Variants in STYXL1 observed in about 807,000 individuals in gnomAD.
STYXL1 encodes serine/threonine/tyrosine-interacting-like protein 1.
STYXL1 carries 32 observed loss-of-function variants against 36.4 expected under a neutral mutation model. The ratio of observed to expected loss-of-function variants is 0.88; its 90% CI spans 0.66 to 1.18. STYXL1 has a LOEUF of 1.18. Among genes scored for constraint, STYXL1 ranks in the 50% most tolerant of loss-of-function variants. The probability of loss-of-function intolerance (pLI) is 0.00; values close to 1 mark genes in which losing one functional copy is unlikely to be tolerated. For missense variants in STYXL1, 354 were observed against 394.1 expected (o/e 0.90, Z 0.86); for synonymous variants, 133 against 144.1 (o/e 0.92, Z 0.55).
chr7:76,042,567 C>G (rs186940090), intron 1 of STYXL1, among the ~76,000 whole-genome samples: 37 of 151,616 alleles, frequency 2.4e-4, no homozygotes, highest in Middle Eastern at 3.4e-3. Flanking sequence ...CCACCTCTCC[C>G]GGCTAATTTT....
At chr7:76,002,570 C>T (rs1791087442) in intron 7 of STYXL1, among the ~76,000 whole-genome samples, 1 of 152,152 alleles carries the variant, frequency 6.6e-6, no homozygotes, top group African/African-American at 2.4e-5. Context: ...AGGTGGGACA[C>T]ATGGGAAGTC....
chr7:76,030,006 T>C (rs1358419123), intron 2 of STYXL1, among the ~76,000 whole-genome samples: 7 of 151,934 alleles, frequency 4.6e-5, no homozygotes, highest in African/African-American at 1.7e-4. Flanking sequence ...TTTATTTTTT[T>C]TTTTCTTTTT....
intron 3 of STYXL1, among the ~76,000 whole-genome samples, chr7:76,026,396 C>T (rs1794733008): frequency 6.6e-6 from 1 of 151,728 alleles, no homozygotes; most frequent in Admixed American, 6.6e-5. Context: ...CCTCCCATCT[C>T]GGCCTCCCAA....
chr7:75,998,071 T>C (rs555801937), intron 8 of STYXL1, among the ~76,000 whole-genome samples: 60 of 152,284 alleles, frequency 3.9e-4, no homozygotes, highest in Non-Finnish European at 6.9e-4. Flanking sequence ...ACAACATTTT[T>C]TGTAGAAATA....
In STYXL1 at chr7:76,003,845, C is replaced by T. The variant is rs781797527; in HGVS notation, c.610G>A (p.Asp204Asn). The change falls in exon 7 of 9, where the codon GAT (aspartate) becomes AAT (asparagine). Residue 204 changes from aspartate (D) to asparagine (N), a missense_variant. Physicochemically the swap from Asp to Asn is conservative, Grantham distance 23. Transcript: ENST00000359697. ...SMDTGPFFAG[D>N]ADKLLHIRIE... ...CGGATGTGCAGAAGCTTGTCAGCATCGCCTGCAAAACTACACGGAAGGACC... is the reference window on the plus strand; with the variant it reads ...CGGATGTGCAGAAGCTTGTCAGCATTGCCTGCAAAACTACACGGAAGGACC... The T allele has an allele frequency of 2.6e-5, 42 of 1,614,004 alleles. No individual in the cohort carries two copies. The highest frequency in any genetic ancestry group is 3.3e-5 in the Admixed American group (2 of 59,990).
chr7:76,001,257 G>T (rs1790882780), intron 7 of STYXL1, among the ~76,000 whole-genome samples: 1 of 152,222 alleles, frequency 6.6e-6, no homozygotes, highest in Non-Finnish European at 1.5e-5. Context: ...ACCTTCTCCT[G>T]AACTCCAGGT....
At chr7:76,006,107 G>A (rs2116814748) in intron 5 of STYXL1, among the ~76,000 whole-genome samples, 1 of 152,068 alleles carries the variant, frequency 6.6e-6, no homozygotes, top group East Asian at 1.9e-4. Flanking sequence ...CTCTCACTCT[G>A]TCACCCAGGC....
chr7:76,023,363 T>C (rs1554576756), intron 3 of STYXL1, among the ~76,000 whole-genome samples: 1 of 152,058 alleles, frequency 6.6e-6, no homozygotes, highest in African/African-American at 2.4e-5. Flanking sequence ...GCCAGCGTTC[T>C]GGATATTATT....
At chr7:76,028,062 A>C (rs141302216) in intron 3 of STYXL1, among the ~76,000 whole-genome samples, 6 of 151,758 alleles carry the variant, frequency 4.0e-5, no homozygotes, top group Non-Finnish European at 7.4e-5. Context: ...TTAGACCAAC[A>C]CTCACTCTGT....
chr7:76,028,941 C>T (rs927484280), intron 2 of STYXL1, among the ~76,000 whole-genome samples: 3 of 151,980 alleles, frequency 2.0e-5, no homozygotes, highest in South Asian at 2.1e-4. Context: ...CTGGCCAACA[C>T]GGCGAAATCC....
At chr7:76,000,770 G>A (rs1554566818) in intron 8 of STYXL1, 120 bp downstream of exon 8, 1 of 761,998 alleles carries the variant, frequency 1.3e-6, no homozygotes, top group African/African-American at 1.7e-5. Context: ...CCCTAGACTT[G>A]GAGTTATCTG....
chr7:76,041,749 A>G (rs1796492538), intron 1 of STYXL1, among the ~76,000 whole-genome samples: 1 of 152,252 alleles, frequency 6.6e-6, no homozygotes, highest in Admixed American at 6.5e-5. Context: ...GCAACAGAAA[A>G]GAGACTAAGA....
At chr7:76,017,095 C>T (rs1793465195) in intron 4 of STYXL1, among the ~76,000 whole-genome samples, 1 of 152,116 alleles carries the variant, frequency 6.6e-6, no homozygotes, top group Non-Finnish European at 1.5e-5. Context: ...GATCTCGGCG[C>T]ACTGCAACCT....
chr7:76,045,089 CTTTA>C (rs1796825065), intron 1 of STYXL1: 1 of 152,208 alleles, frequency 6.6e-6, no homozygotes, highest in African/African-American at 2.4e-5. Context: ...GTATAACCTC[CTTTA>C]TTTTTCTCCT....
chr7:76,005,276 G>T lies in STYXL1; in HGVS notation c.582C>A (p.Ser194=). 1 of 1,605,666 alleles carries T rather than the reference G, an allele frequency of 6.2e-7. No individual in the cohort carries two copies. Among genetic ancestry groups the T allele is most frequent in the Non-Finnish European group, 8.5e-7 (1 of 1,173,972 alleles). The change falls in exon 6 of 9, where the codon TCC becomes TCA. Residue 194 remains serine, a synonymous_variant. Transcript: ENST00000359697. ...DLKIKAHVNV[S]MDTGPFFAGD... ...TTACTTACAAGGGCCCTGTATCCAT[G>T]GAGACATTGACATGGGCTTTGATTT...
chr7:76,028,813 G>A (rs1172593441), intron 2 of STYXL1, 110 bp from the exon 3 acceptor site: 7 of 972,216 alleles, frequency 7.2e-6, no homozygotes, highest in Non-Finnish European at 1.1e-5. Flanking sequence ...TTAAGGGATA[G>A]TCATTGTCAG....
chr7:76,004,163 G>C (rs190163632), intron 6 of STYXL1, among the ~76,000 whole-genome samples: 1 of 152,124 alleles, frequency 6.6e-6, no homozygotes, highest in Non-Finnish European at 1.5e-5. Context: ...GCACGATCTC[G>C]GCTCACTGCA....
intron 4 of STYXL1, among the ~76,000 whole-genome samples, chr7:76,014,871 A>G (rs1172654539): frequency 2.0e-5 from 3 of 152,168 alleles, no homozygotes; most frequent in Non-Finnish European, 4.4e-5. Flanking sequence ...TTCAAAACAT[A>G]TAGACCAATG....
chr7:76,022,140 G>C lies in STYXL1; in HGVS notation c.166-148C>G. 2.8e-6 allele frequency: 4 copies of C among 1,438,362 alleles called. No individual in the cohort carries two copies. In the South Asian group the frequency reaches 5.8e-5, roughly 21 times the overall value. The allele number at this position is 1,438,362 out of a possible 1,614,324, so 89.1% of individuals were successfully genotyped here. On this transcript the variant is annotated intron_variant, in intron 3 of 8. Transcript: ENST00000359697. ...ACACAGGCCCAGAAGCACTGAGACA[G>C]TGGATGGAGAGTCTGTTAAATCCCA...
Sources: gnomAD v4.1 joint callset for allele counts (sites outside exome capture counted in the v4.1 genomes callset) on GRCh38, gnomAD v4.1.1 for gene constraint, MANE v1.5 for transcripts, NCBI Gene and HGNC (gene_info 2026-07-23, HGNC 2026-07-21) for gene names.